The following HS6ST2 variants were observed in gnomAD, a reference collection of about 807,000 sequenced individuals.
The protein encoded by HS6ST2 is heparan sulfate 6-O-sulfotransferase 2, also known as heparan-sulfate 6-O-sulfotransferase 2.
Under a neutral mutation model 33.0 loss-of-function variants are expected in HS6ST2, and 17 were observed. The observed-to-expected ratio is 0.52, with a 90% confidence interval of 0.35 to 0.77. The LOEUF (loss-of-function observed/expected upper bound fraction) is 0.77. Among genes scored for constraint, HS6ST2 ranks in the 30% least tolerant of loss-of-function variants. The pLI, the probability that HS6ST2 is intolerant of heterozygous loss-of-function variation, is 0.01. For missense variants in HS6ST2, 519 were observed against 551.7 expected (o/e 0.94, Z 0.59); for synonymous variants, 248 against 237.1 (o/e 1.05, Z -0.42).
intron 3 of HS6ST2, among the ~76,000 whole-genome samples, chrX:132,688,505 G>C (rs1460437882): frequency 9.0e-6 from 1 of 111,443 alleles, no homozygotes; most frequent in African/African-American, 3.3e-5. Flanking sequence ...AAGCATGGTG[G>C]AAGGGGAAGC....
At chrX:132,921,087 G>A (rs1036663557) in intron 2 of HS6ST2, among the ~76,000 whole-genome samples, 7 of 112,535 alleles carry the variant, frequency 6.2e-5, no homozygotes, top group African/African-American at 2.3e-4. Flanking sequence ...GCAGTGAAAT[G>A]ATGAAGGCTT....
rs201512831 is a variant in HS6ST2 at position 132,838,966 on chromosome X, G to GAA, written c.947+117840_947+117841dup. Among the ~76,000 whole-genome samples, 235 of 85,731 alleles carry GAA rather than the reference G, an allele frequency of 2.7e-3. 2 individuals carry two copies. Among genetic ancestry groups the GAA allele is most frequent in the African/African-American group, 8.5e-3 (203 of 23,953 alleles). The allele number at this position is 85,731 out of a possible 115,157, so 74.4% of individuals were successfully genotyped here. The stretch of plus-strand genomic sequence containing the variant: ...CAGAATGGTTATTATTAAAAAGTCG[G>GAA]AAAAAAAAAAAACAGATGTTGGCAA... On this transcript the variant is annotated intron_variant, in intron 2 of 4. Transcript: ENST00000370833.
At chrX:132,891,116 G>A (rs898666872) in intron 2 of HS6ST2, among the ~76,000 whole-genome samples, 24 of 114 alleles carry the variant, frequency 0.21, no homozygotes, top group Non-Finnish European at 0.29. Context: ...GAACAGTTCC[G>A]ATTCTTCCTC....
intron 2 of HS6ST2, among the ~76,000 whole-genome samples, chrX:132,865,394 T>C (rs2065962722): frequency 9.1e-6 from 1 of 110,446 alleles, no homozygotes; most frequent in Non-Finnish European, 1.9e-5. Context: ...ACATCTGGGT[T>C]GGTTCCAAGT....
intron 2 of HS6ST2, among the ~76,000 whole-genome samples, chrX:132,756,489 T>A (rs914472804): frequency 9.0e-6 from 1 of 110,780 alleles, no homozygotes; most frequent in Non-Finnish European, 1.9e-5. Flanking sequence ...TCGCTCTCCC[T>A]CTCCCACCTC....
intron 2 of HS6ST2, among the ~76,000 whole-genome samples, chrX:132,768,773 T>C (rs1404070751): frequency 2.7e-5 from 3 of 112,730 alleles, no homozygotes; most frequent in African/African-American, 9.7e-5. Context: ...TTTGTGGATC[T>C]TTACATTAGA....
intron 2 of HS6ST2, among the ~76,000 whole-genome samples, chrX:132,916,115 G>A (rs1285560057): frequency 9.0e-6 from 1 of 111,728 alleles, no homozygotes; most frequent in African/African-American, 3.3e-5. Flanking sequence ...GGGCTGGTAT[G>A]CAATATGGCT....
At chrX:132,666,489 G>C (rs753526423) in intron 4 of HS6ST2, among the ~76,000 whole-genome samples, 1 of 111,523 alleles carries the variant, frequency 9.0e-6, no homozygotes, top group Non-Finnish European at 1.9e-5. Context: ...GATACCTCAG[G>C]TGGGCATATC....
intron 2 of HS6ST2, among the ~76,000 whole-genome samples, chrX:132,844,381 T>A (rs1199421968): frequency 8.9e-6 from 1 of 111,922 alleles, no homozygotes; most frequent in Non-Finnish European, 1.9e-5. Flanking sequence ...TAAGTCTTGA[T>A]CTACAGGTAC....
chrX:132,914,786 G>T (rs1170460405), intron 2 of HS6ST2, among the ~76,000 whole-genome samples: 1 of 111,992 alleles, frequency 8.9e-6, no homozygotes, highest in Non-Finnish European at 1.9e-5. Context: ...TGCTGAGCTG[G>T]GCTTGCTCTC....
chrX:132,855,965 T>C (rs963711214), intron 2 of HS6ST2, among the ~76,000 whole-genome samples: 9 of 111,116 alleles, frequency 8.1e-5, no homozygotes, highest in African/African-American at 2.9e-4. Context: ...TTTGAGTTAC[T>C]GTGTACATTT....
chrX:132,652,332 C>T (rs1038398864), intron 4 of HS6ST2, among the ~76,000 whole-genome samples: 1 of 112,051 alleles, frequency 8.9e-6, no homozygotes, highest in Admixed American at 9.5e-5. Context: ...ACCCAATAGG[C>T]ATTTACATTT....
At position 132,655,778 on chromosome X, in the gene HS6ST2, T is replaced by C. The variant is rs186003341; in HGVS notation, c.1067+13335A>G. Among the ~76,000 whole-genome samples the C allele has an allele frequency of 1.5e-3, 171 of 111,637 alleles. 3 individuals carry two copies. The highest frequency in any genetic ancestry group is 5.2e-3 in the African/African-American group (159 of 30,815). ...ATATAAAGAGACAATTTAAAATTTA[T>C]TTTAAAAATTGTTTATAGGGTTATA... On this transcript the variant is annotated intron_variant, in intron 4 of 4. Coordinates refer to ENST00000370833, the MANE Select transcript of HS6ST2 (RefSeq NM_001394073.1).
At chrX:132,955,563 C>CG (rs775590079) in intron 2 of HS6ST2, among the ~76,000 whole-genome samples, 126 of 112,045 alleles carry the variant, frequency 1.1e-3, no homozygotes, top group Non-Finnish European at 2.1e-3. Context: ...CAAGTGCACC[C>CG]GGGGGATGGG....
chrX:132,828,693 TACACACACACACAC>T (rs779585327), intron 2 of HS6ST2, among the ~76,000 whole-genome samples: 735 of 72,911 alleles, frequency 0.01, 25 homozygotes, highest in Middle Eastern at 0.026. Flanking sequence ...TATATATATA[TACACACACACACAC>T]ACACACACAC....
intron 4 of HS6ST2, among the ~76,000 whole-genome samples, chrX:132,658,723 A>G (rs2063748957): frequency 8.9e-6 from 1 of 112,412 alleles, no homozygotes; most frequent in Admixed American, 9.4e-5. Context: ...AATTAATTAA[A>G]TGAAATAACA....
At chrX:132,729,663 AT>A (rs912419120) in intron 2 of HS6ST2, among the ~76,000 whole-genome samples, 1 of 110,569 alleles carries the variant, frequency 9.0e-6, no homozygotes, top group Non-Finnish European at 1.9e-5. Context: ...CCACTCAGTT[AT>A]TTTTTTTTAC....
intron 3 of HS6ST2, among the ~76,000 whole-genome samples, chrX:132,671,920 A>G (rs1176877545): frequency 9.0e-6 from 1 of 111,700 alleles, no homozygotes; most frequent in East Asian, 2.8e-4. Context: ...CTCGGAGCTT[A>G]ATTTTGTAGA....
intron 2 of HS6ST2, among the ~76,000 whole-genome samples, chrX:132,820,696 G>T (rs1243602589): frequency 9.0e-6 from 1 of 111,248 alleles, no homozygotes; most frequent in Non-Finnish European, 1.9e-5. Flanking sequence ...GTGAATGCTC[G>T]CTCTGGTAAT....
Sources: allele counts gnomAD v4.1 joint callset (sites outside exome capture counted in the v4.1 genomes callset), GRCh38; gene constraint gnomAD v4.1.1; transcripts MANE v1.5; gene names NCBI Gene and HGNC (gene_info 2026-07-23, HGNC 2026-07-21).